The following MACROD2 variants were observed in gnomAD, a reference collection of about 807,000 sequenced individuals.
MACROD2 encodes the protein ADP-ribose glycohydrolase MACROD2.
MACROD2 carries 36 observed loss-of-function variants against 70.4 expected under a neutral mutation model. The ratio of observed to expected loss-of-function variants is 0.51; its 90% CI spans 0.39 to 0.68. The LOEUF is 0.68. Among genes scored for constraint, MACROD2 ranks in the 30% least tolerant of loss-of-function variants. MACROD2 has a pLI of 0.00. For synonymous variants in MACROD2, 172 were observed against 178.8 expected, an observed-to-expected ratio of 0.96 and a Z score of 0.30; for missense variants, 496 against 538.4, an observed-to-expected ratio of 0.92 and a Z score of 0.78.
intron 5 of MACROD2, among the ~76,000 whole-genome samples, chr20:14,846,806 C>T (rs755617069): frequency 3.3e-5 from 5 of 150,876 alleles, no homozygotes; most frequent in African/African-American, 4.8e-5. Flanking sequence ...CGTGAGCCAC[C>T]GCATCCGGCC....
intron 4 of MACROD2, among the ~76,000 whole-genome samples, chr20:14,559,973 A>G (rs115087047): frequency 6.6e-6 from 1 of 151,826 alleles, no homozygotes; most frequent in East Asian, 1.9e-4. Context: ...CTATCTATTC[A>G]CATTTCTCTT....
chr20:16,028,677 G>A lies in MACROD2; in HGVS notation c.1154-12524G>A, dbSNP rs73898333. On this transcript the variant is annotated intron_variant, in intron 15 of 17. Transcript: ENST00000684519. ...TGGAAAGGGTCTTTTGTAAAAACAG[G>A]CACAGGCACATTTTCCACAAGTATG... Among the ~76,000 whole-genome samples the A allele has an allele frequency of 6.0e-3, 910 of 152,162 alleles. 13 individuals are homozygous for A. Among genetic ancestry groups the A allele is most frequent in the African/African-American group, 0.021 (882 of 41,518 alleles).
chr20:15,038,655 G>A (rs891441646), intron 5 of MACROD2, among the ~76,000 whole-genome samples: 25 of 152,096 alleles, frequency 1.6e-4, no homozygotes, highest in African/African-American at 6.0e-4. Context: ...CACACCTTCC[G>A]CTTGTTATTA....
At chr20:14,858,933 T>C (rs1476773501) in intron 5 of MACROD2, among the ~76,000 whole-genome samples, 4 of 152,126 alleles carry the variant, frequency 2.6e-5, no homozygotes, top group African/African-American at 4.8e-5. Flanking sequence ...CATGAAGTAC[T>C]AATTTAAAGA....
chr20:15,259,681 C>T (rs946311684), intron 6 of MACROD2, among the ~76,000 whole-genome samples: 1 of 152,030 alleles, frequency 6.6e-6, no homozygotes, highest in African/African-American at 2.4e-5. Flanking sequence ...TTAATGCACC[C>T]AGGTATTAAA....
intron 2 of MACROD2, among the ~76,000 whole-genome samples, chr20:14,064,923 C>T (rs2053737830): frequency 1.3e-5 from 2 of 152,174 alleles, no homozygotes; most frequent in African/African-American, 4.8e-5. Context: ...TTAGAAACTA[C>T]TTTCACATCG....
intron 5 of MACROD2, among the ~76,000 whole-genome samples, chr20:15,189,893 G>T (rs2076559178): frequency 6.6e-6 from 1 of 151,796 alleles, no homozygotes; most frequent in African/African-American, 2.4e-5. Context: ...TTGAAGAAGA[G>T]GAGATAAATT....
chr20:15,638,915 G>A lies in MACROD2; in HGVS notation c.645+139068G>A, dbSNP rs534842783. On this transcript the variant is annotated intron_variant, in intron 8 of 17. Coordinates refer to ENST00000684519, the MANE Select transcript of MACROD2 (RefSeq NM_001351661.2). Reference sequence around the variant, plus strand: ...GAACAGAGTTGAAATATTCAGGTCCGCAGGGTGTGAGTAGACAGTTGGCTT... The same window carrying A: ...GAACAGAGTTGAAATATTCAGGTCCACAGGGTGTGAGTAGACAGTTGGCTT... Among the ~76,000 whole-genome samples, 33 of 152,256 alleles carry A rather than the reference G, an allele frequency of 2.2e-4. No individual in the cohort carries two copies. The South Asian group carries it at 3.3e-3, about 15-fold the overall frequency.
intron 3 of MACROD2, among the ~76,000 whole-genome samples, chr20:14,431,149 G>A (rs1422167459): frequency 6.6e-6 from 1 of 152,072 alleles, no homozygotes; most frequent in Non-Finnish European, 1.5e-5. Flanking sequence ...GGAGATGTTC[G>A]ATAGGCAGTT....
intron 2 of MACROD2, among the ~76,000 whole-genome samples, chr20:14,052,923 T>C (rs2053586848): frequency 6.6e-6 from 1 of 152,060 alleles, no homozygotes; most frequent in Non-Finnish European, 1.5e-5. Context: ...CTCTGTTAAG[T>C]GGAAGTAAAC....
intron 5 of MACROD2, among the ~76,000 whole-genome samples, chr20:15,016,303 G>A (rs889890030): frequency 6.6e-6 from 1 of 152,184 alleles, no homozygotes; most frequent in Non-Finnish European, 1.5e-5. Flanking sequence ...TCTCGGTCTA[G>A]ATGACACTTC....
At chr20:15,369,454 A>G (rs2045460094) in intron 6 of MACROD2, among the ~76,000 whole-genome samples, 1 of 152,180 alleles carries the variant, frequency 6.6e-6, no homozygotes, top group African/African-American at 2.4e-5. Flanking sequence ...CTCTCCTTGT[A>G]TCTTTTGCAA....
At chr20:15,479,656 G>A (rs2047070792) in intron 7 of MACROD2, among the ~76,000 whole-genome samples, 1 of 152,146 alleles carries the variant, frequency 6.6e-6, no homozygotes, top group Admixed American at 6.5e-5. Flanking sequence ...TTGGAGATGT[G>A]TTTTGTATTC....
chr20:14,951,899 T>G (rs1444810005), intron 5 of MACROD2, among the ~76,000 whole-genome samples: 3 of 148,356 alleles, frequency 2.0e-5, no homozygotes, highest in African/African-American at 7.6e-5. Context: ...TCCCTCCCCT[T>G]CAGGGCAGCT....
intron 6 of MACROD2, among the ~76,000 whole-genome samples, chr20:15,342,636 A>G (rs2423942): frequency 0.62 from 94,351 of 151,986 alleles, 29,398 homozygotes; most frequent in East Asian, 0.75. Context: ...CTTCTGTTAG[A>G]TTACGACCAA....
chr20:15,924,807 AT>A (rs1568644548), intron 10 of MACROD2, among the ~76,000 whole-genome samples: 1 of 152,224 alleles, frequency 6.6e-6, no homozygotes. Flanking sequence ...AAGAAAAAAA[AT>A]GTTTCATCTT....
intron 5 of MACROD2, among the ~76,000 whole-genome samples, chr20:15,226,109 C>A (rs886340764): frequency 6.1e-5 from 9 of 147,354 alleles, no homozygotes; most frequent in Admixed American, 2.7e-4. Context: ...GAAGGAGATG[C>A]ACTTGAGAGC....
intron 3 of MACROD2, among the ~76,000 whole-genome samples, chr20:14,142,121 T>G (rs1325275643): frequency 2.0e-5 from 3 of 152,228 alleles, no homozygotes; most frequent in African/African-American, 7.2e-5. Flanking sequence ...AGTATTAGCA[T>G]TTATATTATA....
At chr20:15,954,389 C>A (rs956346615) in intron 12 of MACROD2, among the ~76,000 whole-genome samples, 1 of 152,144 alleles carries the variant, frequency 6.6e-6, no homozygotes, top group Non-Finnish European at 1.5e-5. Flanking sequence ...TTTGGTAAAG[C>A]CACCTCCACT....
Sources: gnomAD v4.1 joint callset for allele counts (sites outside exome capture counted in the v4.1 genomes callset) on GRCh38, gnomAD v4.1.1 for gene constraint, MANE v1.5 for transcripts, NCBI Gene and HGNC (gene_info 2026-07-23, HGNC 2026-07-21) for gene names.